The following XRCC5 variants were observed in gnomAD, a reference collection of about 807,000 sequenced individuals.
The protein encoded by XRCC5 is DNA repair protein Ku80.
A neutral mutation model predicts 95.7 loss-of-function variants in XRCC5; 12 were observed. That is an observed-to-expected ratio of 0.13 (90% CI 0.08 to 0.20). The LOEUF (loss-of-function observed/expected upper bound fraction) is 0.20. Ranked by LOEUF, XRCC5 falls within the 10% of genes least tolerant of loss-of-function variation. The pLI is 1.00. For missense variants in XRCC5, 595 were observed against 873.9 expected (o/e 0.68, Z 4.02); for synonymous variants, 281 against 290.3 (o/e 0.97, Z 0.33).
intron 10 of XRCC5, among the ~76,000 whole-genome samples, chr2:216,133,482 G>A (rs1697025609): frequency 6.6e-6 from 1 of 152,200 alleles, no homozygotes; most frequent in Admixed American, 6.5e-5. Flanking sequence ...TGCTTCTGCT[G>A]AAGTTTTAAC....
At chr2:216,193,660 G>A (rs1689661305) in intron 18 of XRCC5, among the ~76,000 whole-genome samples, 1 of 152,152 alleles carries the variant, frequency 6.6e-6, no homozygotes, top group Non-Finnish European at 1.5e-5. Context: ...TGTTGACCCC[G>A]TAAATGAAGG....
chr2:216,159,028 A>C (rs1688899242), intron 14 of XRCC5, among the ~76,000 whole-genome samples: 1 of 152,262 alleles, frequency 6.6e-6, no homozygotes, highest in Admixed American at 6.5e-5. Context: ...ATAATAAAAT[A>C]AGTAAATGAA....
rs41296928 is a variant in XRCC5, at chr2:216,112,907, C to T, written c.22-109C>T. On this transcript the variant is annotated intron_variant, in intron 1 of 20. Coordinates refer to ENST00000392132, the MANE Select transcript of XRCC5 (RefSeq NM_021141.4). The stretch of plus-strand genomic sequence containing the variant: ...ATGTAGAACACATCCCTTTTTCACA[C>T]CTTTCCTAAATACTGATACAGGTTC... The T allele has an allele frequency of 4.3e-4, 353 of 823,102 alleles. 2 individuals carry two copies. In the East Asian group the frequency reaches 7.4e-3, roughly 17 times the overall value. 51.0% of individuals were successfully genotyped at this position (823,102 alleles called of 1,614,324 possible).
rs959398329 is a variant in XRCC5 at position 216,112,872 on chromosome 2, A to G, written c.22-144A>G. The G allele has an allele frequency of 2.6e-5, 16 of 621,642 alleles. No homozygotes were observed. The African/African-American group carries it at 2.7e-4, about 11-fold the overall frequency. The allele number at this position is 621,642 out of a possible 1,614,324, so 38.5% of individuals were successfully genotyped here. On this transcript the variant is annotated intron_variant, in intron 1 of 20. Transcript: ENST00000392132. ...CATAGTGAAAATTTATATGTCTTAC[A>G]CACATTCTTATGTAGAACACATCCC...
Position 216,162,021 on chromosome 2 carries a change from A to C in XRCC5, c.1807A>C (p.Lys603Gln), listed in dbSNP as rs1356619779. 1 of 1,614,216 alleles carries C rather than the reference A, an allele frequency of 6.2e-7. No homozygotes were observed. Among genetic ancestry groups the C allele is most frequent in the Non-Finnish European group, 8.5e-7 (1 of 1,180,024 alleles). The change falls in exon 16 of 21, where the codon AAA becomes CAA. Residue 603 changes from lysine (K) to glutamine (Q), a missense_variant. Lys to Gln is a moderately conservative substitution (Grantham distance 53). This residue lies in a region of XRCC5 where 309 missense variants were observed against 382.9 expected (regional missense o/e 0.81). Coordinates refer to ENST00000392132, the MANE Select transcript of XRCC5 (RefSeq NM_021141.4). ...TGCTGAAAACTTCCGTGTTCTAGTG[A>C]AACAGAAGAAGGCCAGCTTTGAGGA... ...NPAENFRVLV[K>Q]QKKASFEEAS...
chr2:216,149,865 G>T (rs1574466918), intron 14 of XRCC5, among the ~76,000 whole-genome samples: 2 of 152,086 alleles, frequency 1.3e-5, no homozygotes, highest in South Asian at 2.1e-4. Flanking sequence ...ATAATGGCTC[G>T]CAGCATAGCT....
chr2:216,195,134 C>A (rs1689690686), intron 19 of XRCC5, 148 bp downstream of exon 19: 6 of 693,524 alleles, frequency 8.7e-6, no homozygotes, highest in Non-Finnish European at 1.2e-5. Flanking sequence ...CCACAGCATC[C>A]CCATGGGAGA....
intron 19 of XRCC5, among the ~76,000 whole-genome samples, chr2:216,196,877 T>C (rs760343083): frequency 1.3e-5 from 2 of 152,210 alleles, no homozygotes; most frequent in Non-Finnish European, 2.9e-5. Context: ...ACACATAATA[T>C]TCATTGTCAC....
chr2:216,116,798 A>T lies in XRCC5; in HGVS notation c.275A>T (p.Glu92Val). 14 of 1,614,154 alleles carry T rather than the reference A, an allele frequency of 8.7e-6. No homozygotes were observed. The highest frequency in any genetic ancestry group is 1.2e-5 in the Non-Finnish European group (14 of 1,180,000). Residue 92 changes from glutamate to valine, a missense_variant, in exon 3 of 21, where the codon GAG (glutamate) becomes GTG (valine). Glu to Val is a moderately radical substitution (Grantham distance 121, BLOSUM62 -2). Coordinates refer to ENST00000392132, the MANE Select transcript of XRCC5 (RefSeq NM_021141.4). ...HLMLPDFDLL[E>V]DIESKIQPGS... ...ATGCTACCAGATTTTGATTTGCTGG[A>T]GGACATTGAAAGCAAAATCCAACCA...
intron 16 of XRCC5, among the ~76,000 whole-genome samples, chr2:216,167,156 A>G (rs1424289718): frequency 6.6e-6 from 1 of 152,196 alleles, no homozygotes; most frequent in Non-Finnish European, 1.5e-5. Flanking sequence ...ACTCATGTAC[A>G]AGAGAGCAGT....
chr2:216,198,533 T>TTTTATTTATTTA (rs3080564), intron 19 of XRCC5, among the ~76,000 whole-genome samples: 83 of 147,890 alleles, frequency 5.6e-4, no homozygotes, highest in East Asian at 3.2e-3. Context: ...TGAAAAATGC[T>TTTTATTTATTTA]TTTATTTATT....
intron 19 of XRCC5, among the ~76,000 whole-genome samples, chr2:216,195,681 A>G (rs1287143185): frequency 2.0e-5 from 3 of 152,220 alleles, no homozygotes; most frequent in Non-Finnish European, 4.4e-5. Context: ...TTTGGTGTGT[A>G]TTGAATCTGA....
intron 14 of XRCC5, among the ~76,000 whole-genome samples, chr2:216,149,936 TTCTC>T (rs1161214248): frequency 1.3e-5 from 2 of 152,168 alleles, no homozygotes; most frequent in Admixed American, 6.5e-5. Context: ...CACGCTCCTA[TTCTC>T]TCTCTCTTCT....
chr2:216,118,112 T>C (rs899763399), intron 4 of XRCC5, among the ~76,000 whole-genome samples: 4 of 152,100 alleles, frequency 2.6e-5, no homozygotes, highest in African/African-American at 4.8e-5. Context: ...ATGTCATTGA[T>C]ATTAAGTGCA....
At chr2:216,182,418 T>C (rs113502804) in intron 16 of XRCC5, among the ~76,000 whole-genome samples, 82 of 152,312 alleles carry the variant, frequency 5.4e-4, no homozygotes, top group African/African-American at 1.8e-3. Flanking sequence ...CCAATCACTA[T>C]TATCTTACAT....
At chr2:216,115,025 C>G (rs948332673) in intron 2 of XRCC5, among the ~76,000 whole-genome samples, 2 of 147,668 alleles carry the variant, frequency 1.4e-5, no homozygotes, top group Admixed American at 6.6e-5. Context: ...GGTCTAAAAA[C>G]TAAACAAAGA....
intron 16 of XRCC5, among the ~76,000 whole-genome samples, chr2:216,168,730 AAG>A (rs1450563780): frequency 1.3e-5 from 2 of 152,208 alleles, no homozygotes; most frequent in Non-Finnish European, 2.9e-5. Context: ...AATTTAGAAA[AAG>A]AGAGCTTTAT....
intron 17 of XRCC5, 74 bp from the exon 18 acceptor site, chr2:216,192,561 CTTTG>C (rs1348746653): frequency 2.1e-6 from 2 of 958,416 alleles, no homozygotes; most frequent in Non-Finnish European, 3.0e-6. Context: ...TCAGACCAAA[CTTTG>C]TTTGGTCTGG....
chr2:216,183,483 A>T (rs932575747), intron 16 of XRCC5, among the ~76,000 whole-genome samples: 1 of 152,146 alleles, frequency 6.6e-6, no homozygotes, highest in African/African-American at 2.4e-5. Context: ...TGAGGTTTTA[A>T]TTGAGTTTTT....
Sources: allele counts gnomAD v4.1 joint callset (sites outside exome capture counted in the v4.1 genomes callset), GRCh38; gene constraint gnomAD v4.1.1; regional missense constraint gnomAD v4.1.1; transcripts MANE v1.5; gene names NCBI Gene and HGNC (gene_info 2026-07-23, HGNC 2026-07-21).